Variants in DLGAP1 observed in about 807,000 individuals in gnomAD.
DLGAP1 encodes disks large-associated protein 1.
In DLGAP1, 11 loss-of-function variants were observed where a neutral mutation model predicts 90.8. That is an observed-to-expected ratio of 0.12 (90% confidence interval 0.08 to 0.20). The LOEUF is 0.20. DLGAP1 is among the 10% of genes least tolerant of loss of function. The pLI is 1.00. For synonymous variants in DLGAP1, 558 were observed against 540.7 expected (o/e 1.03, Z -0.44); for missense variants, 1,050 against 1,333.8 (o/e 0.79, Z 3.31).
intron 3 of DLGAP1, among the ~76,000 whole-genome samples, chr18:3,948,083 A>G (rs2072912093): frequency 1.3e-5 from 2 of 152,166 alleles, no homozygotes; most frequent in African/African-American, 4.8e-5. Flanking sequence ...CCATACATCC[A>G]ATCTGCTGGG....
intron 3 of DLGAP1, among the ~76,000 whole-genome samples, chr18:3,993,875 A>G (rs1206280623): frequency 6.6e-6 from 1 of 152,094 alleles, no homozygotes; most frequent in Non-Finnish European, 1.5e-5. Context: ...GAGAAGATAA[A>G]GTTTTAGTTT....
intron 1 of DLGAP1, among the ~76,000 whole-genome samples, chr18:4,338,788 C>T (rs1432062150): frequency 1.3e-5 from 2 of 152,114 alleles, no homozygotes; most frequent in East Asian, 3.9e-4. Context: ...AACTATTTCC[C>T]CTATGTGATC....
intron 1 of DLGAP1, among the ~76,000 whole-genome samples, chr18:4,420,923 C>T (rs2083014835): frequency 6.6e-6 from 1 of 152,106 alleles, no homozygotes; most frequent in African/African-American, 2.4e-5. Context: ...TCTCTCTTTC[C>T]ACTCCGTCTG....
chr18:3,575,560 G>C (rs1276687375), intron 8 of DLGAP1, among the ~76,000 whole-genome samples: 1 of 152,146 alleles, frequency 6.6e-6, no homozygotes, highest in African/African-American at 2.4e-5. Flanking sequence ...CCTTTGGGGA[G>C]TACAGTAGGA....
At chr18:3,695,994 CTCTG>C (rs574612824) in intron 7 of DLGAP1, among the ~76,000 whole-genome samples, 163 of 152,190 alleles carry the variant, frequency 1.1e-3, no homozygotes, top group Non-Finnish European at 2.1e-3. Flanking sequence ...TGATTTGGCT[CTCTG>C]TCTATTACTG....
chr18:3,687,497 G>A lies in DLGAP1; in HGVS notation c.1591+41638C>T, dbSNP rs1342435156. Among the ~76,000 whole-genome samples, 3 of 152,142 alleles carry A rather than the reference G, an allele frequency of 2.0e-5. No homozygotes were observed. In the East Asian group the frequency reaches 5.8e-4, roughly 29 times the overall value. On this transcript the variant is annotated intron_variant, in intron 7 of 12. Transcript: ENST00000315677. ...TTAATTACTTTATAAACATGATGAT[G>A]ATCTTATCAGATCTGACAAGAAATT...
At chr18:4,363,526 C>T (rs2081679364) in intron 1 of DLGAP1, among the ~76,000 whole-genome samples, 2 of 152,028 alleles carry the variant, frequency 1.3e-5, no homozygotes. Flanking sequence ...GGCTAATATC[C>T]AGAATCTACA....
At chr18:4,208,433 C>T (rs941403246) in intron 1 of DLGAP1, among the ~76,000 whole-genome samples, 3 of 152,116 alleles carry the variant, frequency 2.0e-5, no homozygotes, top group African/African-American at 7.2e-5. Flanking sequence ...CTCTTTGAAC[C>T]AATGCAAAGC....
rs1271955498 is a variant in DLGAP1, at chr18:3,989,653, A to G, written c.-73+15463T>C. Among the ~76,000 whole-genome samples the G allele has an allele frequency of 2.6e-5, 4 of 152,336 alleles. No individual in the cohort carries two copies. In the East Asian group the frequency reaches 7.7e-4, roughly 29 times the overall value. On this transcript the variant is annotated intron_variant, in intron 3 of 12. Transcript: ENST00000315677. ...TAAAAAACAAAGGACCAAACTAAAG[A>G]GCTTCTGCACAGCAAAAGAAACCAC...
chr18:3,692,826 C>T (rs2060945316), intron 7 of DLGAP1, among the ~76,000 whole-genome samples: 1 of 148,654 alleles, frequency 6.7e-6, no homozygotes, highest in Non-Finnish European at 1.5e-5. Flanking sequence ...GAAATTCAAA[C>T]AACTTCTCTA....
At chr18:3,998,577 G>A (rs1426535517) in intron 3 of DLGAP1, among the ~76,000 whole-genome samples, 3 of 152,124 alleles carry the variant, frequency 2.0e-5, no homozygotes, top group East Asian at 1.9e-4. Context: ...GGTTGAGCAC[G>A]TTCCATCTTT....
At chr18:4,408,425 T>A (rs1373964525) in intron 1 of DLGAP1, among the ~76,000 whole-genome samples, 2 of 152,094 alleles carry the variant, frequency 1.3e-5, no homozygotes, top group Non-Finnish European at 2.9e-5. Flanking sequence ...AAAGGTTTTT[T>A]TATAAGCATA....
intron 2 of DLGAP1, among the ~76,000 whole-genome samples, chr18:4,029,937 T>C (rs981940122): frequency 2.6e-5 from 4 of 152,194 alleles, no homozygotes; most frequent in Admixed American, 2.6e-4. Context: ...TTGATCACCT[T>C]CTCACATTCT....
At chr18:3,633,725 C>A (rs938034029) in intron 7 of DLGAP1, among the ~76,000 whole-genome samples, 1 of 152,152 alleles carries the variant, frequency 6.6e-6, no homozygotes, top group Non-Finnish European at 1.5e-5. Flanking sequence ...AGATACTTTT[C>A]TCCAGAGGTA....
In DLGAP1 at chr18:4,380,961, C is replaced by T. The variant is rs144790229; in HGVS notation, c.-267+74045G>A. ...AAAGCAGATGTATTACAGTGTGAGGCACACCCTATTTTCACATTCGAGGAG... is the reference window on the plus strand; with the variant it reads ...AAAGCAGATGTATTACAGTGTGAGGTACACCCTATTTTCACATTCGAGGAG... On this transcript the variant is annotated intron_variant, in intron 1 of 12. Coordinates refer to ENST00000315677, the MANE Select transcript of DLGAP1 (RefSeq NM_004746.4). Among the ~76,000 whole-genome samples the T allele has an allele frequency of 6.0e-4, 91 of 152,252 alleles. No homozygotes were observed. The East Asian group carries it at 0.016, about 27-fold the overall frequency.
chr18:4,137,320 CTTGT>C, intron 2 of DLGAP1, among the ~76,000 whole-genome samples: 1 of 152,142 alleles, frequency 6.6e-6, no homozygotes, highest in East Asian at 1.9e-4. Context: ...AGGTAGGGGT[CTTGT>C]TTTATTCTTC....
chr18:4,042,359 C>T (rs1247045543), intron 2 of DLGAP1, among the ~76,000 whole-genome samples: 1 of 152,160 alleles, frequency 6.6e-6, no homozygotes, highest in Non-Finnish European at 1.5e-5. Context: ...AATTCCTTTT[C>T]AATATATTAC....
At chr18:3,897,961 A>ATTT (rs1331202373) in intron 3 of DLGAP1, among the ~76,000 whole-genome samples, 1 of 150,830 alleles carries the variant, frequency 6.6e-6, no homozygotes, top group Non-Finnish European at 1.5e-5. Context: ...CGCCCGGCTA[A>ATTT]TTTTTTGTAT....
chr18:3,891,919 T>G (rs926774558), intron 3 of DLGAP1: 11 of 152,028 alleles, frequency 7.2e-5, no homozygotes, highest in Admixed American at 5.9e-4. Context: ...TTTTCATTTT[T>G]TTGTAGAGAT....
Sources: gnomAD v4.1 joint callset for allele counts (sites outside exome capture counted in the v4.1 genomes callset) on GRCh38, gnomAD v4.1.1 for gene constraint, MANE v1.5 for transcripts, NCBI Gene and HGNC (gene_info 2026-07-23, HGNC 2026-07-21) for gene names.